CNTN3: variants seen among roughly 807,000 people sequenced by gnomAD.
The protein encoded by CNTN3 is contactin 3.
CNTN3 carries 60 observed loss-of-function variants against 119.1 expected under a neutral mutation model. The observed-to-expected ratio is 0.50, with a 90% CI of 0.41 to 0.62. The LOEUF is 0.62. Among genes scored for constraint, CNTN3 ranks in the 20% least tolerant of loss-of-function variants. The pLI is 0.00. For missense variants in CNTN3, 1,101 were observed against 1,242.4 expected (o/e 0.89, Z 1.71); for synonymous variants, 450 against 438.7 (o/e 1.03, Z -0.32).
At chr3:74,276,631 G>A (rs1390877861) in intron 20 of CNTN3, among the ~76,000 whole-genome samples, 2 of 151,904 alleles carry the variant, frequency 1.3e-5, no homozygotes, top group Non-Finnish European at 2.9e-5. Context: ...TACAGCAAAG[G>A]CAATGCTAAC....
intron 11 of CNTN3, among the ~76,000 whole-genome samples, chr3:74,360,421 A>G (rs1704050120): frequency 6.6e-6 from 1 of 152,202 alleles, no homozygotes; most frequent in African/African-American, 2.4e-5. Context: ...AATCCTGGCT[A>G]TGTGACTTCA....
At chr3:74,327,181 T>G (rs1333722551) in intron 13 of CNTN3, among the ~76,000 whole-genome samples, 1 of 141,770 alleles carries the variant, frequency 7.1e-6, no homozygotes, top group Non-Finnish European at 1.5e-5. Context: ...CAGGCTGGAG[T>G]GCAATGGCGC....
intron 5 of CNTN3, among the ~76,000 whole-genome samples, chr3:74,372,057 C>A (rs1652460590): frequency 6.6e-6 from 1 of 152,114 alleles, no homozygotes; most frequent in Admixed American, 6.6e-5. Flanking sequence ...CTCCTTTAAT[C>A]CTCCTTCTCT....
At chr3:74,571,001 A>T (rs1704324266) in intron 1 of CNTN3, among the ~76,000 whole-genome samples, 1 of 152,244 alleles carries the variant, frequency 6.6e-6, no homozygotes, top group Non-Finnish European at 1.5e-5. Context: ...AAGTAGAAGC[A>T]TCTGTAAGAT....
At chr3:74,510,473 C>T (rs1477703834) in intron 2 of CNTN3, among the ~76,000 whole-genome samples, 1 of 152,080 alleles carries the variant, frequency 6.6e-6, no homozygotes, top group Non-Finnish European at 1.5e-5. Flanking sequence ...AAAAATAGCA[C>T]TTTCAACAGC....
intron 1 of CNTN3, among the ~76,000 whole-genome samples, chr3:74,527,220 A>C (rs1448836863): frequency 6.6e-6 from 1 of 151,984 alleles, no homozygotes; most frequent in Admixed American, 6.6e-5. Context: ...TGTTCAAAGA[A>C]ACAAATATTC....
At chr3:74,498,043 A>G (rs531830197) in intron 3 of CNTN3, among the ~76,000 whole-genome samples, 15 of 152,024 alleles carry the variant, frequency 9.9e-5, no homozygotes, top group African/African-American at 3.6e-4. Context: ...TAAATCTTGT[A>G]TCTTGACAAC....
intron 11 of CNTN3, among the ~76,000 whole-genome samples, chr3:74,360,867 C>A (rs938541081): frequency 5.2e-4 from 79 of 152,280 alleles, no homozygotes; most frequent in Non-Finnish European, 7.4e-4. Flanking sequence ...CTGCCTCCCT[C>A]TTCCTCTCTT....
chr3:74,582,404 TA>T (rs60451715), intron 1 of CNTN3, among the ~76,000 whole-genome samples: 10,759 of 148,808 alleles, frequency 0.072, 420 homozygotes, highest in South Asian at 0.17. Context: ...AGACTCCGTC[TA>T]AAAAAAAAAA....
At chr3:74,393,945 C>T (rs1238007694) in intron 5 of CNTN3, among the ~76,000 whole-genome samples, 1 of 152,080 alleles carries the variant, frequency 6.6e-6, no homozygotes, top group Non-Finnish European at 1.5e-5. Flanking sequence ...CATAAAAGTA[C>T]ATTCTATAAA....
chr3:74,526,012 GT>G (rs1559645976), intron 1 of CNTN3, among the ~76,000 whole-genome samples: 1 of 151,798 alleles, frequency 6.6e-6, no homozygotes, highest in Non-Finnish European at 1.5e-5. Flanking sequence ...GAAAGTTTAG[GT>G]GTGAGAATGA....
intron 4 of CNTN3, among the ~76,000 whole-genome samples, chr3:74,458,299 T>C (rs759313413): frequency 6.6e-6 from 1 of 152,000 alleles, no homozygotes; most frequent in South Asian, 2.1e-4. Context: ...CTGGGGCTAA[T>C]GGTTTCAGGA....
chr3:74,453,260 G>A (rs370298502), intron 4 of CNTN3, among the ~76,000 whole-genome samples: 43,195 of 151,712 alleles, frequency 0.28, 6,263 homozygotes, highest in Non-Finnish European at 0.33. Context: ...TGTATGTGTC[G>A]AGGAATTTAT....
At chr3:74,288,159 C>CCTT (rs1702151979) in intron 19 of CNTN3, among the ~76,000 whole-genome samples, 1 of 90,376 alleles carries the variant, frequency 1.1e-5, no homozygotes, top group Non-Finnish European at 2.4e-5. Flanking sequence ...CTTTTCTTTT[C>CCTT]TTTTTTTTTT....
In CNTN3 at chr3:74,521,206, G is replaced by C; in HGVS notation, c.-80-14C>G. 2.5e-6 allele frequency: 1 copy of C among 397,786 alleles called. No individual in the cohort carries two copies. The highest frequency in any genetic ancestry group is 4.4e-6 in the Non-Finnish European group (1 of 227,794). The allele number at this position is 397,786 out of a possible 1,614,324, so 24.6% of individuals were successfully genotyped here. Reference sequence around the variant, plus strand: ...AAATCCTTTAATCTGTAAAATATATGTACAAAGAAGTTCGTTAAAAAAAAA... The same window carrying C: ...AAATCCTTTAATCTGTAAAATATATCTACAAAGAAGTTCGTTAAAAAAAAA... On this transcript the variant is annotated splice_polypyrimidine_tract_variant and intron_variant, in intron 1 of 22. Coordinates refer to ENST00000263665, the MANE Select transcript of CNTN3 (RefSeq NM_020872.3).
intron 11 of CNTN3, among the ~76,000 whole-genome samples, chr3:74,341,976 T>A (rs1703559542): frequency 6.6e-6 from 1 of 152,136 alleles, no homozygotes; most frequent in African/African-American, 2.4e-5. Flanking sequence ...GGAGTTGCAA[T>A]CACATGAGAT....
At chr3:74,539,353 G>A (rs2107145155) in intron 1 of CNTN3, among the ~76,000 whole-genome samples, 1 of 152,192 alleles carries the variant, frequency 6.6e-6, no homozygotes, top group South Asian at 2.1e-4. Flanking sequence ...ACTATCTTGT[G>A]CCCATTGATG....
chr3:74,404,310 C>T (rs559720945), intron 5 of CNTN3, among the ~76,000 whole-genome samples: 173 of 152,128 alleles, frequency 1.1e-3, no homozygotes, highest in African/African-American at 1.3e-3. Context: ...TTAAATTCAG[C>T]AACTAATTAC....
intron 4 of CNTN3, among the ~76,000 whole-genome samples, chr3:74,443,048 A>C (rs1307652942): frequency 1.3e-5 from 2 of 152,184 alleles, no homozygotes; most frequent in Non-Finnish European, 2.9e-5. Flanking sequence ...ACTTATTTGC[A>C]TTCAGGTTTA....
Sources: gnomAD v4.1 joint callset for allele counts (sites outside exome capture counted in the v4.1 genomes callset) on GRCh38, gnomAD v4.1.1 for gene constraint, MANE v1.5 for transcripts, NCBI Gene and HGNC (gene_info 2026-07-23, HGNC 2026-07-21) for gene names.